CFAP221: variants seen among roughly 807,000 people sequenced by gnomAD.
CFAP221 encodes the protein cilia and flagella associated protein 221.
CFAP221 carries 97 observed loss-of-function variants against 113.1 expected under a neutral mutation model. That is an observed-to-expected ratio of 0.86 (90% confidence interval 0.73 to 1.02). The LOEUF is 1.02. CFAP221 is among the 50% of genes least tolerant of loss of function. The probability of loss-of-function intolerance (pLI) is 0.00; values close to 1 mark genes in which losing one functional copy is unlikely to be tolerated. For missense variants in CFAP221, 1,025 were observed against 1,013.4 expected, an observed-to-expected ratio of 1.01 and a Z score of -0.16; for synonymous variants, 331 against 354.4, an observed-to-expected ratio of 0.93 and a Z score of 0.74.
In CFAP221 at chr2:119,630,804, A is replaced by G; in HGVS notation, c.1877A>G (p.Asp626Gly). Residue 626 changes from aspartate to glycine, a missense_variant, in exon 19 of 24, where the codon GAC becomes GGC. Asp to Gly is a moderately conservative substitution (Grantham distance 94). Transcript: ENST00000413369. ...VTTITALPKQ[D>G]STTQLSGKTS... ...ACCATCACAGCCCTTCCGAAACAGG[A>G]CTCCACAACTCAGCTCTCTGGCAAA... 2 of 1,613,080 alleles carry G rather than the reference A, an allele frequency of 1.2e-6. No individual in the cohort carries two copies. The highest frequency in any genetic ancestry group is 8.5e-7 in the Non-Finnish European group (1 of 1,179,188).
intron 14 of CFAP221, among the ~76,000 whole-genome samples, chr2:119,617,829 C>G (rs1685630841): frequency 6.6e-6 from 1 of 152,236 alleles, no homozygotes; most frequent in South Asian, 2.1e-4. Flanking sequence ...ATAAAATACA[C>G]AATTTTTATC....
chr2:119,596,763 T>G (rs554417074), intron 7 of CFAP221, among the ~76,000 whole-genome samples: 6 of 152,364 alleles, frequency 3.9e-5, no homozygotes, highest in East Asian at 1.9e-4. Flanking sequence ...GAGCAGGGGT[T>G]GTTCTTCCTG....
chr2:119,559,687 A>G lies in CFAP221; in HGVS notation c.241-2A>G, dbSNP rs1681082858. 1.3e-6 allele frequency: 2 copies of G among 1,523,958 alleles called. No individual in the cohort carries two copies. The highest frequency in any genetic ancestry group is 1.4e-5 in the African/African-American group (1 of 72,720). The allele number at this position is 1,523,958 out of a possible 1,614,324, so 94.4% of individuals were successfully genotyped here. ...CTCTAAATACTTCTTTTTCTCTCCC[A>G]GCATCTGGTCAATGTTTCCAATGAA... On this transcript the variant is annotated splice_acceptor_variant, in intron 3 of 23. Transcript: ENST00000413369. LOFTEE classifies it high-confidence loss of function.
chr2:119,638,438 A>G (rs1687251877), intron 20 of CFAP221, 21 bp downstream of exon 20: 2 of 1,613,812 alleles, frequency 1.2e-6, no homozygotes, highest in African/African-American at 1.3e-5. Context: ...CACCAGGCTC[A>G]CTGGCAGAGT....
chr2:119,656,860 G>C (rs1363771438), downstream of CFAP221, among the ~76,000 whole-genome samples: 2 of 152,150 alleles, frequency 1.3e-5, no homozygotes, highest in African/African-American at 2.4e-5. Flanking sequence ...GGCATCACTA[G>C]ATTTGGCTTT....
intron 2 of CFAP221, 107 bp from the exon 3 acceptor site, chr2:119,548,978 A>G (rs1329051067): frequency 2.9e-6 from 2 of 678,884 alleles, no homozygotes; most frequent in Non-Finnish European, 4.5e-6. Flanking sequence ...CAATTTTCAT[A>G]TGCTTAAAAT....
chr2:119,598,612 T>G (rs1684153822), intron 7 of CFAP221, among the ~76,000 whole-genome samples: 1 of 152,212 alleles, frequency 6.6e-6, no homozygotes, highest in African/African-American at 2.4e-5. Flanking sequence ...GGGGTTGCCC[T>G]TCTCACTTTA....
chr2:119,567,428 A>G (rs1192960981), intron 6 of CFAP221, among the ~76,000 whole-genome samples: 1 of 152,110 alleles, frequency 6.6e-6, no homozygotes, highest in Non-Finnish European at 1.5e-5. Context: ...AGTTTCCTCC[A>G]TATCTTTTCA....
In CFAP221 at chr2:119,546,279, C is replaced by T; in HGVS notation, c.139+9C>T. 1.3e-6 allele frequency: 2 copies of T among 1,532,276 alleles called. No individual in the cohort carries two copies. Among genetic ancestry groups the T allele is most frequent in the Non-Finnish European group, 8.7e-7 (1 of 1,145,682 alleles). 94.9% of individuals were successfully genotyped at this position (1,532,276 alleles called of 1,614,324 possible). A position where few individuals can be genotyped will look rare whatever the true frequency, so the allele number is the denominator to read the frequency against. On this transcript the variant is annotated intron_variant, in intron 2 of 23. Transcript: ENST00000413369. ...TCACCTCCTAGAATCAAGTAAGTGG[C>T]TAGAAGACAGATTTGCTTTACAGCT...
chr2:119,629,950 C>A lies in CFAP221; in HGVS notation c.1726C>A (p.Leu576Met), dbSNP rs758607887. ...QIKQSYSFFNLQVPQLYKIKR... is the reference protein window; with the variant it reads ...QIKQSYSFFNMQVPQLYKIKR... ...CAAGCAGAGTTATTCCTTCTTCAAT[C>A]TGCAGGTCAGACCTGTCACATAAAT... The change falls in exon 17 of 24, where the codon CTG becomes ATG. Residue 576 changes from leucine (L) to methionine (M), a missense_variant. Coordinates refer to ENST00000413369, the MANE Select transcript of CFAP221 (RefSeq NM_001271049.2). 6.2e-7 allele frequency: 1 copy of A among 1,609,690 alleles called. No homozygotes were observed. Among genetic ancestry groups the A allele is most frequent in the Non-Finnish European group, 8.5e-7 (1 of 1,176,044 alleles).
At chr2:119,557,155 T>C (rs1680867403) in intron 3 of CFAP221, 1 of 152,200 alleles carries the variant, frequency 6.6e-6, no homozygotes, top group Non-Finnish European at 1.5e-5. Context: ...TGTTGGAAAC[T>C]GATTTAAGCC....
Position 119,628,956 on chromosome 2 carries a change from T to C in CFAP221, c.1651-919T>C, listed in dbSNP as rs150168356. The stretch of plus-strand genomic sequence containing the variant: ...AATAATTTGAAGCTGATATGTTTCA[T>C]TTGATATTTTAGTGCTACAAAGACT... On this transcript the variant is annotated intron_variant, in intron 16 of 23. Transcript: ENST00000413369. 4.1e-3 allele frequency among the ~76,000 whole-genome samples: 619 copies of C among 152,338 alleles called. 3 individuals are homozygous for C. The highest frequency in any genetic ancestry group is 0.014 in the African/African-American group (594 of 41,578).
In CFAP221 at chr2:119,557,953, C is replaced by T. The variant is rs536459575; in HGVS notation, c.241-1736C>T. Among the ~76,000 whole-genome samples, 10 of 124,192 alleles carry T rather than the reference C, an allele frequency of 8.1e-5. No individual in the cohort carries two copies. The South Asian group carries it at 1.6e-3, about 20-fold the overall frequency. The allele number at this position is 124,192 out of a possible 152,430, so 81.5% of individuals were successfully genotyped here. A position where few individuals can be genotyped will look rare whatever the true frequency, so the allele number is the denominator to read the frequency against. On this transcript the variant is annotated intron_variant, in intron 3 of 23. Coordinates refer to ENST00000413369, the MANE Select transcript of CFAP221 (RefSeq NM_001271049.2). ...CAGCCTGGGCAACAGAGCAAGACTC[C>T]GTCTCAAAAAAAAAAAAAAAAAAAG...
At chr2:119,590,933 C>G (rs538414244) in intron 7 of CFAP221, among the ~76,000 whole-genome samples, 6 of 152,214 alleles carry the variant, frequency 3.9e-5, no homozygotes, top group Non-Finnish European at 8.8e-5. Context: ...ATCTCCAGCA[C>G]ACAGCGCAGG....
In CFAP221 at chr2:119,627,804, TG is replaced by T; in HGVS notation, c.1650+23del. On this transcript the variant is annotated intron_variant, in intron 16 of 23. Transcript: ENST00000413369. ...ACGAGTTGGTAGGTGCCGTCAGGCT[TG>T]GGGGCGGGGAGTGGACATGATCATG... is the stretch of plus-strand genomic sequence containing the variant. 1 of 1,612,996 alleles carries T rather than the reference TG, an allele frequency of 6.2e-7. No homozygotes were observed. Among genetic ancestry groups the T allele is most frequent in the Non-Finnish European group, 8.5e-7 (1 of 1,179,510 alleles).
chr2:119,630,680 A>AAC lies in CFAP221; in HGVS notation c.1839+8_1839+9dup. On this transcript the variant is annotated splice_donor_region_variant and intron_variant, in intron 18 of 23. Transcript: ENST00000413369. ...GAGCCCTAAAGCAAGGAGCTGAGGT[A>AAC]ACACACCCCCATCTTCCAGAATCTC... 6.2e-7 allele frequency: 1 copy of AAC among 1,609,460 alleles called. No homozygotes were observed. Among genetic ancestry groups the AAC allele is most frequent in the African/African-American group, 1.3e-5 (1 of 74,934 alleles).
intron 3 of CFAP221, chr2:119,555,955 G>GATGTT (rs1258424176): frequency 3.3e-5 from 5 of 152,174 alleles, no homozygotes; most frequent in African/African-American, 1.2e-4. Flanking sequence ...CAGGCTTTTG[G>GATGTT]ATGTTGACTT....
chr2:119,567,530 A>G (rs572655025), intron 6 of CFAP221, among the ~76,000 whole-genome samples: 9 of 152,324 alleles, frequency 5.9e-5, no homozygotes, highest in African/African-American at 2.2e-4. Flanking sequence ...ACTGAATGGC[A>G]TCTTGGCAGC....
At chr2:119,614,751 A>G (rs1165412691) in intron 13 of CFAP221, among the ~76,000 whole-genome samples, 1 of 152,240 alleles carries the variant, frequency 6.6e-6, no homozygotes. Context: ...ATCACTGGTT[A>G]AAAGTCCAAC....
Sources: gnomAD v4.1 joint callset for allele counts (sites outside exome capture counted in the v4.1 genomes callset) on GRCh38, gnomAD v4.1.1 for gene constraint, MANE v1.5 for transcripts, NCBI Gene and HGNC (gene_info 2026-07-23, HGNC 2026-07-21) for gene names.